CHD1L: variants seen among roughly 807,000 people sequenced by gnomAD.
CHD1L encodes ATP-dependent chromatin remodeler CHD1L.
In CHD1L, 118 loss-of-function variants were observed where a neutral mutation model predicts 115.9. That is an observed-to-expected ratio of 1.02 (90% CI 0.88 to 1.19). The LOEUF (loss-of-function observed/expected upper bound fraction) is 1.19. CHD1L is among the 50% of genes most tolerant of loss of function. CHD1L has a pLI of 0.00. For synonymous variants in CHD1L, 411 were observed against 387.1 expected, an observed-to-expected ratio of 1.06 and a Z score of -0.72; for missense variants, 1,179 against 1,065.3, an observed-to-expected ratio of 1.11 and a Z score of -1.49.
rs181738251 is a variant in CHD1L at position 147,282,901 on chromosome 1, A to T, written c.1706-1450A>T. 1.1e-3 allele frequency among the ~76,000 whole-genome samples: 170 copies of T among 152,316 alleles called. 1 individual carries two copies. The highest frequency in any genetic ancestry group is 3.8e-3 in the African/African-American group (157 of 41,578). On this transcript the variant is annotated intron_variant, in intron 15 of 22. Coordinates refer to ENST00000369258, the MANE Select transcript of CHD1L (RefSeq NM_004284.6). Reference sequence around the variant, plus strand: ...ACACTTTGGAATTTTCTCTTCGATGAATGGATATAGGTCCGCTCTGTGGTA... The same window carrying T: ...ACACTTTGGAATTTTCTCTTCGATGTATGGATATAGGTCCGCTCTGTGGTA...
At chr1:147,233,964 C>G in the CHD1L span, among the ~76,000 whole-genome samples, 8 of 152,130 alleles carry the variant, frequency 5.3e-5, no homozygotes, top group South Asian at 1.7e-3. Context: ...CTGCGGAAGG[C>G]GGCAGGGCCC....
chr1:147,268,751 C>A, intron 9 of CHD1L, 31 bp from the exon 10 acceptor site: 2 of 1,583,486 alleles, frequency 1.3e-6, no homozygotes, highest in Non-Finnish European at 1.7e-6. Flanking sequence ...ACTGAGGGCA[C>A]ATTACTGGGA....
intron 14 of CHD1L, among the ~76,000 whole-genome samples, chr1:147,279,100 G>T (rs1018798989): frequency 6.6e-6 from 1 of 152,168 alleles, no homozygotes; most frequent in African/African-American, 2.4e-5. Context: ...TGTGTATGGA[G>T]GGTAAATATA....
intron 18 of CHD1L, among the ~76,000 whole-genome samples, chr1:147,287,383 A>G (rs1156503482): frequency 1.3e-5 from 2 of 152,208 alleles, no homozygotes. Context: ...CAGATGCACC[A>G]CAGAGATTTT....
chr1:147,203,331 A>G, the CHD1L span: 3 of 1,581,770 alleles, frequency 1.9e-6, no homozygotes, highest in East Asian at 4.5e-5. Context: ...TGGGCCCACC[A>G]TCTGGTTTTG....
chr1:147,293,366 C>G (rs1265763930), intron 20 of CHD1L, among the ~76,000 whole-genome samples: 1 of 151,726 alleles, frequency 6.6e-6, no homozygotes, highest in Non-Finnish European at 1.5e-5. Flanking sequence ...GACTCATTCT[C>G]TGGTTTTAAA....
chr1:147,259,990 T>C, intron 6 of CHD1L, 72 bp downstream of exon 6: 16 of 1,204,810 alleles, frequency 1.3e-5, no homozygotes, highest in Non-Finnish European at 1.9e-5. Flanking sequence ...TTTAGAGTAA[T>C]TTTAGATTCA....
At chr1:147,180,771 ACAGAACAGATACAGGT>A in the CHD1L span, among the ~76,000 whole-genome samples, 4 of 152,226 alleles carry the variant, frequency 2.6e-5, no homozygotes, top group African/African-American at 9.6e-5. Flanking sequence ...GAGCGGCCTG[ACAGAACAGATACAGGT>A]CCACCTCTCC....
chr1:147,205,034 C>T, the CHD1L span: 1 of 705,376 alleles, frequency 1.4e-6, no homozygotes, highest in Non-Finnish European at 2.5e-6. Context: ...AGTCACTCTT[C>T]CATCTTTGCT....
chr1:147,286,585 G>C, intron 18 of CHD1L, 85 bp downstream of exon 18: 3 of 1,220,470 alleles, frequency 2.5e-6, no homozygotes, highest in South Asian at 1.3e-5. Context: ...TGGGACTGGG[G>C]TGGTGGTCCC....
At position 147,242,807 on chromosome 1, in the gene CHD1L, A is replaced by T. The variant is rs587687001; in HGVS notation, c.104A>T (p.Asp35Val). 9.0e-5 allele frequency: 115 copies of T among 1,277,846 alleles called. 1 individual carries two copies. The East Asian group carries it at 3.3e-3, about 37-fold the overall frequency. 79.2% of individuals were successfully genotyped at this position (1,277,846 alleles called of 1,614,324 possible). A position where few individuals can be genotyped will look rare whatever the true frequency, so the allele number is the denominator to read the frequency against. ...GAGGCGGCGCGGGTGCAGGAGCAGGACTTACGGCAGTGGGGGCTGACAGGT... is the reference window on the plus strand; with the variant it reads ...GAGGCGGCGCGGGTGCAGGAGCAGGTCTTACGGCAGTGGGGGCTGACAGGT... ...RAEAARVQEQ[D>V]LRQWGLTGIH... is the part of the protein sequence containing the mutation. The change falls in exon 1 of 23, where the codon GAC (aspartate) becomes GTC (valine). Residue 35 changes from aspartate (D) to valine (V), a missense_variant. By Grantham distance (152) the Asp-to-Val change is radical. Transcript: ENST00000369258.
the CHD1L span, chr1:147,204,130 T>G: frequency 9.5e-7 from 1 of 1,057,932 alleles, no homozygotes; most frequent in Non-Finnish European, 1.5e-6. Context: ...CTCCCTTACT[T>G]AAATTCATCA....
chr1:147,216,038 T>C, the CHD1L span: 10 of 798,760 alleles, frequency 1.3e-5, no homozygotes, highest in Non-Finnish European at 1.8e-5. Context: ...GAAAGAAGTG[T>C]CAATTAAATC....
At chr1:147,187,763 C>A in the CHD1L span, among the ~76,000 whole-genome samples, 2 of 152,078 alleles carry the variant, frequency 1.3e-5, no homozygotes, top group African/African-American at 4.8e-5. Flanking sequence ...GAGGAAGTAG[C>A]CCTCCAAATG....
intron 6 of CHD1L, among the ~76,000 whole-genome samples, chr1:147,261,180 C>G (rs1671793290): frequency 6.6e-6 from 1 of 152,148 alleles, no homozygotes; most frequent in South Asian, 2.1e-4. Context: ...TTTGTAGGGA[C>G]TTTTAACAGT....
chr1:147,254,779 A>T, intron 2 of CHD1L, 91 bp from the exon 3 acceptor site: 1 of 742,294 alleles, frequency 1.3e-6, no homozygotes, highest in Non-Finnish European at 2.1e-6. Flanking sequence ...CTTAAACAAG[A>T]GTGTGTGTTC....
At chr1:147,191,551 C>T in the CHD1L span, among the ~76,000 whole-genome samples, 267 of 151,852 alleles carry the variant, frequency 1.8e-3, no homozygotes, top group African/African-American at 6.1e-3. Flanking sequence ...TTCTTATAAA[C>T]TTGTTTGAGT....
At chr1:147,242,659 G>A (rs1435672979), upstream of CHD1L, 2 of 1,261,176 alleles carry the variant, frequency 1.6e-6, no homozygotes, top group Non-Finnish European at 2.0e-6. Context: ...AAGTTGGGAG[G>A]GAGGTGCGCG....
chr1:147,291,989 A>T lies in CHD1L; in HGVS notation c.2391+437A>T, dbSNP rs1363547961. Among the ~76,000 whole-genome samples, 5 of 151,808 alleles carry T rather than the reference A, an allele frequency of 3.3e-5. No individual in the cohort carries two copies. In the South Asian group the frequency reaches 6.2e-4, roughly 19 times the overall value. ...CGGGGGGTTGGGGCTTCAATATATG[A>T]ATTTGGGGGGACACAGTTCAGCCTA... On this transcript the variant is annotated intron_variant, in intron 20 of 22. Transcript: ENST00000369258.
Sources: allele counts gnomAD v4.1 joint callset (sites outside exome capture counted in the v4.1 genomes callset), GRCh38; gene constraint gnomAD v4.1.1; transcripts MANE v1.5; gene names NCBI Gene and HGNC (gene_info 2026-07-23, HGNC 2026-07-21).